The following MAGI3 variants were observed in gnomAD, a reference collection of about 807,000 sequenced individuals.
MAGI3 encodes membrane-associated guanylate kinase, WW and PDZ domain-containing protein 3.
MAGI3 carries 43 observed loss-of-function variants against 121.8 expected under a neutral mutation model. That is an observed-to-expected ratio of 0.35 (90% confidence interval 0.28 to 0.46). The LOEUF (loss-of-function observed/expected upper bound fraction) is 0.46, where lower values mean the gene tolerates loss of function less well. Among genes scored for constraint, MAGI3 ranks in the 20% least tolerant of loss-of-function variants. The pLI is 1.00. For synonymous variants in MAGI3, 553 were observed against 639.3 expected (o/e 0.86, Z 2.04); for missense variants, 1,547 against 1,797.3 (o/e 0.86, Z 2.52).
intron 1 of MAGI3, among the ~76,000 whole-genome samples, chr1:113,472,223 G>A (rs146021572): frequency 0.071 from 10,125 of 143,420 alleles, 472 homozygotes; most frequent in Middle Eastern, 0.13. Flanking sequence ...TTTTTTTTGA[G>A]ACAGAGTCTC....
At chr1:113,442,811 A>G (rs956423000) in intron 1 of MAGI3, among the ~76,000 whole-genome samples, 5 of 152,052 alleles carry the variant, frequency 3.3e-5, no homozygotes, top group African/African-American at 9.7e-5. Flanking sequence ...TATCTTGACT[A>G]TTATGTTAGC....
chr1:113,551,475 A>T (rs957255836), intron 2 of MAGI3, among the ~76,000 whole-genome samples: 2 of 152,206 alleles, frequency 1.3e-5, no homozygotes, highest in African/African-American at 4.8e-5. Context: ...ACTCCTTAGC[A>T]TCGCATAAAA....
chr1:113,473,818 T>C (rs1402980079), intron 1 of MAGI3, among the ~76,000 whole-genome samples: 1 of 152,208 alleles, frequency 6.6e-6, no homozygotes, highest in Non-Finnish European at 1.5e-5. Flanking sequence ...TAATTCTAGT[T>C]CCAGATCCTT....
At chr1:113,487,037 G>A (rs571823793) in intron 1 of MAGI3, among the ~76,000 whole-genome samples, 39 of 152,156 alleles carry the variant, frequency 2.6e-4, no homozygotes, top group Non-Finnish European at 4.9e-4. Context: ...ACGAATTAGG[G>A]GAAGGTTTCT....
At chr1:113,462,642 C>G (rs981033187) in intron 1 of MAGI3, among the ~76,000 whole-genome samples, 4 of 152,092 alleles carry the variant, frequency 2.6e-5, no homozygotes, top group African/African-American at 7.2e-5. Flanking sequence ...ATATGTACAA[C>G]AGACCCCCTT....
At chr1:113,458,265 C>T (rs937141233) in intron 1 of MAGI3, among the ~76,000 whole-genome samples, 2 of 152,088 alleles carry the variant, frequency 1.3e-5, no homozygotes, top group Non-Finnish European at 2.9e-5. Context: ...TAGAATTTGA[C>T]TGATGGATTG....
At chr1:113,589,091 C>T (rs1044279304) in intron 4 of MAGI3, among the ~76,000 whole-genome samples, 2 of 151,968 alleles carry the variant, frequency 1.3e-5, no homozygotes, top group African/African-American at 2.4e-5. Flanking sequence ...TCCATAGTAA[C>T]AGATGGTGGA....
At chr1:113,437,806 TTTCTTCTTCTTCTTC>T (rs759591213) in intron 1 of MAGI3, among the ~76,000 whole-genome samples, 5 of 119,580 alleles carry the variant, frequency 4.2e-5, no homozygotes, top group Admixed American at 9.4e-5. Flanking sequence ...TCTTTCTTCT[TTTCTTCTTCTTCTTC>T]TTCTTCTTCT....
intron 1 of MAGI3, among the ~76,000 whole-genome samples, chr1:113,413,261 T>A (rs1557741884): frequency 6.6e-6 from 1 of 152,240 alleles, no homozygotes; most frequent in Non-Finnish European, 1.5e-5. Context: ...ACAAGTACCA[T>A]GCTGTTTTGG....
intron 16 of MAGI3, among the ~76,000 whole-genome samples, chr1:113,668,148 A>T (rs1401728841): frequency 6.6e-6 from 1 of 152,228 alleles, no homozygotes; most frequent in African/African-American, 2.4e-5. Context: ...AAAATGTGAC[A>T]CAGAGACATG....
At chr1:113,660,936 A>G (rs1159985383) in intron 16 of MAGI3, among the ~76,000 whole-genome samples, 1 of 151,956 alleles carries the variant, frequency 6.6e-6, no homozygotes, top group Non-Finnish European at 1.5e-5. Flanking sequence ...GAATGAGTAA[A>G]CGAATGAGTG....
At chr1:113,682,490 T>C in intron 20 of MAGI3, 2 of 1,324,458 alleles carry the variant, frequency 1.5e-6, no homozygotes, top group East Asian at 3.0e-5. Context: ...CACAGTTTGG[T>C]TTCCTTTATT....
chr1:113,639,983 G>A (rs1369753609), intron 9 of MAGI3, among the ~76,000 whole-genome samples: 1 of 152,182 alleles, frequency 6.6e-6, no homozygotes, highest in Non-Finnish European at 1.5e-5. Flanking sequence ...CCTGGCCTGA[G>A]CCACCACGCC....
At chr1:113,674,484 T>C (rs2101026260) in intron 19 of MAGI3, among the ~76,000 whole-genome samples, 1 of 152,016 alleles carries the variant, frequency 6.6e-6, no homozygotes, top group East Asian at 1.9e-4. Context: ...CATTAAAAAC[T>C]TTTAATTTCT....
At chr1:113,446,048 T>G (rs1654161549) in intron 1 of MAGI3, among the ~76,000 whole-genome samples, 1 of 152,250 alleles carries the variant, frequency 6.6e-6, no homozygotes, top group Non-Finnish European at 1.5e-5. Flanking sequence ...TTTTGTTTTC[T>G]TCATGATTTA....
chr1:113,450,452 G>A, intron 1 of MAGI3: 2 of 1,112,362 alleles, frequency 1.8e-6, no homozygotes, highest in Non-Finnish European at 2.7e-6. Context: ...TAGTAGTAGA[G>A]GGGGCTATGG....
chr1:113,668,408 T>A (rs1647294792), intron 16 of MAGI3, among the ~76,000 whole-genome samples: 1 of 152,026 alleles, frequency 6.6e-6, no homozygotes. Flanking sequence ...TTTGACATTA[T>A]GGAATAAATA....
intron 1 of MAGI3, among the ~76,000 whole-genome samples, chr1:113,522,307 G>C (rs908128304): frequency 6.6e-6 from 1 of 152,184 alleles, no homozygotes; most frequent in Non-Finnish European, 1.5e-5. Context: ...ATTTCACCAT[G>C]TTGGCCAGGC....
At chr1:113,553,863 G>T (rs2101676435) in intron 2 of MAGI3, among the ~76,000 whole-genome samples, 1 of 152,226 alleles carries the variant, frequency 6.6e-6, no homozygotes, top group East Asian at 1.9e-4. Flanking sequence ...ACAAAAATTA[G>T]CTGGGCGTGG....
Sources: gnomAD v4.1 joint callset for allele counts (sites outside exome capture counted in the v4.1 genomes callset) on GRCh38, gnomAD v4.1.1 for gene constraint, MANE v1.5 for transcripts, NCBI Gene and HGNC (gene_info 2026-07-23, HGNC 2026-07-21) for gene names.